ROBO2: variants seen among roughly 807,000 people sequenced by gnomAD.
ROBO2 encodes the protein roundabout guidance receptor 2.
In ROBO2, 53 loss-of-function variants were observed where a neutral mutation model predicts 160.8. The ratio of observed to expected loss-of-function variants is 0.33; its 90% CI spans 0.26 to 0.41. ROBO2 has a LOEUF of 0.41. ROBO2 is among the 10% of genes least tolerant of loss of function. The pLI is 1.00. For synonymous variants in ROBO2, 664 were observed against 611.7 expected (o/e 1.09, Z -1.26); for missense variants, 1,577 against 1,722.4 (o/e 0.92, Z 1.49).
intron 2 of ROBO2, among the ~76,000 whole-genome samples, chr3:77,196,860 C>A (rs1218073850): frequency 1.3e-5 from 2 of 151,298 alleles, no homozygotes; most frequent in Admixed American, 6.6e-5. Context: ...TGATTAGACT[C>A]GTTCAATGGA....
intron 2 of ROBO2, among the ~76,000 whole-genome samples, chr3:77,310,432 A>G (rs1326985588): frequency 1.3e-5 from 2 of 152,174 alleles, no homozygotes; most frequent in African/African-American, 4.8e-5. Context: ...TAAAGCAGAT[A>G]AGAAAGCAAG....
intron 2 of ROBO2, among the ~76,000 whole-genome samples, chr3:77,348,981 A>G (rs1421937508): frequency 2.6e-5 from 4 of 151,912 alleles, no homozygotes; most frequent in African/African-American, 9.7e-5. Flanking sequence ...GCCTTTCTTT[A>G]CATTGCAATC....
At chr3:75,950,554 T>A in intron 2 of ROBO2, among the ~76,000 whole-genome samples, 1 of 152,058 alleles carries the variant, frequency 6.6e-6, no homozygotes, top group Non-Finnish European at 1.5e-5. Context: ...TGTGTGTAGA[T>A]CTCTTAATAT....
At chr3:76,657,730 GAGTGTA>G (rs1560319752) in intron 2 of ROBO2, among the ~76,000 whole-genome samples, 1 of 126,568 alleles carries the variant, frequency 7.9e-6, no homozygotes, top group Non-Finnish European at 1.6e-5. Context: ...ATTCATATAT[GAGTGTA>G]TATATATTCA....
chr3:77,513,900 G>A (rs1209689321), intron 5 of ROBO2, among the ~76,000 whole-genome samples: 1 of 151,666 alleles, frequency 6.6e-6, no homozygotes, highest in Non-Finnish European at 1.5e-5. Flanking sequence ...TCTCTATGGT[G>A]GGGACTGTCG....
intron 2 of ROBO2, among the ~76,000 whole-genome samples, chr3:76,552,251 C>T (rs1438412612): frequency 6.6e-6 from 1 of 152,192 alleles, no homozygotes; most frequent in Admixed American, 6.5e-5. Flanking sequence ...GCAACTTGAG[C>T]ATCCCAGAAT....
At chr3:76,377,642 G>C (rs1047084770) in intron 2 of ROBO2, among the ~76,000 whole-genome samples, 9 of 152,084 alleles carry the variant, frequency 5.9e-5, no homozygotes, top group African/African-American at 2.2e-4. Context: ...CTCTCCCTAT[G>C]TGAGAAAAAC....
chr3:76,692,107 A>G (rs982497291), intron 2 of ROBO2, among the ~76,000 whole-genome samples: 3 of 149,708 alleles, frequency 2.0e-5, no homozygotes, highest in African/African-American at 7.7e-5. Flanking sequence ...AGAGACGAAA[A>G]GAGAGACTAG....
At chr3:77,322,730 A>G (rs1239348872) in intron 2 of ROBO2, among the ~76,000 whole-genome samples, 1 of 142,298 alleles carries the variant, frequency 7.0e-6, no homozygotes, top group African/African-American at 2.6e-5. Context: ...TAGGTCTAAT[A>G]TATATGTTAT....
At chr3:76,071,960 A>G (rs79800341) in intron 2 of ROBO2, among the ~76,000 whole-genome samples, 3,812 of 152,148 alleles carry the variant, frequency 0.025, 159 homozygotes, top group African/African-American at 0.086. Context: ...ACACTTCAAT[A>G]CCAAAAAAAG....
chr3:76,196,479 A>C (rs1425802761), intron 2 of ROBO2, among the ~76,000 whole-genome samples: 1 of 152,094 alleles, frequency 6.6e-6, no homozygotes, highest in Non-Finnish European at 1.5e-5. Context: ...GTTATTATTG[A>C]TCCTAAGTGA....
chr3:76,131,231 T>A (rs532488006), intron 2 of ROBO2, among the ~76,000 whole-genome samples: 8 of 152,322 alleles, frequency 5.3e-5, no homozygotes, highest in Non-Finnish European at 1.0e-4. Context: ...TGCAATTAGA[T>A]AGCAGCATAG....
rs770566285 is a variant in ROBO2 at position 77,565,130 on chromosome 3, A to G, written c.1849+10A>G. 1.4e-5 allele frequency: 22 copies of G among 1,613,274 alleles called. No homozygotes were observed. In the South Asian group the frequency reaches 2.2e-4, roughly 16 times the overall value. On this transcript the variant is annotated intron_variant, in intron 12 of 25. Coordinates refer to ENST00000461745, the Ensembl canonical transcript of ROBO2. ...CCTGTGCGCACACAAGGTACTTTCAACAGCTGTCAACAAGACTGGTTCTAG... is the reference window on the plus strand; with the variant it reads ...CCTGTGCGCACACAAGGTACTTTCAGCAGCTGTCAACAAGACTGGTTCTAG...
intron 2 of ROBO2, among the ~76,000 whole-genome samples, chr3:76,421,349 A>G (rs965717470): frequency 6.6e-6 from 1 of 152,212 alleles, no homozygotes; most frequent in Non-Finnish European, 1.5e-5. Flanking sequence ...CAACATGCCT[A>G]TTGAAATCGT....
exon 26 of ROBO2, chr3:77,646,212 A>G: frequency 4.3e-6 from 2 of 469,886 alleles, no homozygotes; most frequent in South Asian, 5.9e-5. Flanking sequence ...TATCCCACAG[A>G]TATTTTCATT....
chr3:76,975,050 A>G (rs564029078), intron 2 of ROBO2, among the ~76,000 whole-genome samples: 1 of 152,350 alleles, frequency 6.6e-6, no homozygotes, highest in African/African-American at 2.4e-5. Flanking sequence ...ATGAATTTGT[A>G]TCTTATGTTA....
chr3:76,344,614 T>C (rs2074417012), intron 2 of ROBO2, among the ~76,000 whole-genome samples: 1 of 152,150 alleles, frequency 6.6e-6, no homozygotes, highest in South Asian at 2.1e-4. Flanking sequence ...ACTAATGAAA[T>C]AGCAGAAATG....
intron 17 of ROBO2, among the ~76,000 whole-genome samples, chr3:77,589,262 A>G (rs1264449040): frequency 6.6e-6 from 1 of 152,106 alleles, no homozygotes; most frequent in African/African-American, 2.4e-5. Flanking sequence ...ACTATGTGTT[A>G]CATGCTATGA....
At chr3:76,452,766 G>A (rs1159227992) in intron 2 of ROBO2, among the ~76,000 whole-genome samples, 1 of 152,180 alleles carries the variant, frequency 6.6e-6, no homozygotes, top group Non-Finnish European at 1.5e-5. Flanking sequence ...TTCCACAATG[G>A]TTGAACTAGT....
Sources: allele counts gnomAD v4.1 joint callset (sites outside exome capture counted in the v4.1 genomes callset), GRCh38; gene constraint gnomAD v4.1.1; transcripts MANE v1.5; gene names NCBI Gene and HGNC (gene_info 2026-07-23, HGNC 2026-07-21).